Variants in ABLIM1 observed in about 807,000 individuals in gnomAD.
The protein encoded by ABLIM1 is actin binding LIM protein 1.
A neutral mutation model predicts 107.0 loss-of-function variants in ABLIM1; 40 were observed. The observed-to-expected ratio is 0.37, with a 90% confidence interval of 0.29 to 0.49. The LOEUF (loss-of-function observed/expected upper bound fraction) is 0.49, where lower values mean the gene tolerates loss of function less well. ABLIM1 is among the 20% of genes least tolerant of loss of function. The probability of loss-of-function intolerance (pLI) is 0.97; values close to 1 mark genes in which losing one functional copy is unlikely to be tolerated. For missense variants in ABLIM1, 857 were observed against 1,008.5 expected, an observed-to-expected ratio of 0.85 and a Z score of 2.04; for synonymous variants, 357 against 357.3, an observed-to-expected ratio of 1.00 and a Z score of 0.01.
In ABLIM1 at chr10:114,716,410, A is replaced by AAAACACACACACAC. The variant is rs541504016; in HGVS notation, c.-213+51650_-213+51651insGTGTGTGTGTGTTT. ...TAGTGTTCTCAAATTGGTAGAGAGA[A>AAAACACACACACAC]ACACACACACACACACACACACACA... On this transcript the variant is annotated intron_variant, in intron 1 of 15. Transcript: ENST00000651092. 1.4e-3 allele frequency among the ~76,000 whole-genome samples: 206 copies of AAAACACACACACAC among 143,620 alleles called. 1 individual carries two copies. Among genetic ancestry groups the AAAACACACACACAC allele is most frequent in the African/African-American group, 4.7e-3 (182 of 38,422 alleles). 94.2% of individuals were successfully genotyped at this position (143,620 alleles called of 152,430 possible). A position where few individuals can be genotyped will look rare whatever the true frequency, so the allele number is the denominator to read the frequency against.
intron 1 of ABLIM1, among the ~76,000 whole-genome samples, chr10:114,666,862 C>T (rs1053499763): frequency 4.6e-5 from 7 of 152,254 alleles, no homozygotes; most frequent in African/African-American, 1.7e-4. Flanking sequence ...TAAATTATAT[C>T]TTAACTTTAT....
chr10:114,486,109 T>C (rs2058153865), intron 8 of ABLIM1, among the ~76,000 whole-genome samples: 1 of 152,218 alleles, frequency 6.6e-6, no homozygotes, highest in East Asian at 1.9e-4. Flanking sequence ...CAATAGCTCC[T>C]CTTGGCCAGA....
At chr10:114,625,897 C>T (rs1308438576) in intron 1 of ABLIM1, among the ~76,000 whole-genome samples, 2 of 152,028 alleles carry the variant, frequency 1.3e-5, no homozygotes, top group Non-Finnish European at 2.9e-5. Flanking sequence ...TTGATGGGTT[C>T]GAAGATTAAA....
chr10:114,599,324 C>T (rs563968932), intron 2 of ABLIM1, among the ~76,000 whole-genome samples: 43 of 152,284 alleles, frequency 2.8e-4, no homozygotes, highest in African/African-American at 1.0e-3. Context: ...GAGGAATTTA[C>T]ATTTGGTCCA....
intron 1 of ABLIM1, among the ~76,000 whole-genome samples, chr10:114,717,519 C>T (rs2081698599): frequency 1.3e-5 from 2 of 152,132 alleles, no homozygotes; most frequent in Non-Finnish European, 2.9e-5. Flanking sequence ...GCCAGTAGCA[C>T]CCCTCTCCCA....
At chr10:114,715,890 A>T (rs1051900129) in intron 1 of ABLIM1, among the ~76,000 whole-genome samples, 1 of 152,226 alleles carries the variant, frequency 6.6e-6, no homozygotes, top group Non-Finnish European at 1.5e-5. Flanking sequence ...CTAGAAGTAT[A>T]CACAGAAATA....
At chr10:114,686,156 A>C (rs1023609888), upstream of ABLIM1, among the ~76,000 whole-genome samples, 3 of 152,174 alleles carry the variant, frequency 2.0e-5, no homozygotes, top group African/African-American at 2.4e-5. Flanking sequence ...TTTCCTAATC[A>C]TAGTCCTCCA....
At chr10:114,692,700 G>A (rs2141730713) in intron 1 of ABLIM1, among the ~76,000 whole-genome samples, 1 of 152,286 alleles carries the variant, frequency 6.6e-6, no homozygotes, top group African/African-American at 2.4e-5. Context: ...GACCAGCCTG[G>A]CCAATATGGT....
At chr10:114,723,507 A>T (rs1186953439) in intron 1 of ABLIM1, among the ~76,000 whole-genome samples, 1 of 152,226 alleles carries the variant, frequency 6.6e-6, no homozygotes, top group Admixed American at 6.5e-5. Context: ...GCCAGCATAA[A>T]AGGGCTGAGG....
At chr10:114,745,840 TA>T (rs371449246) in intron 1 of ABLIM1, among the ~76,000 whole-genome samples, 4,821 of 150,282 alleles carry the variant, frequency 0.032, 97 homozygotes, top group Middle Eastern at 0.093. Flanking sequence ...AGACTGTGTC[TA>T]AAAAAAAAAT....
chr10:114,674,708 C>CTT (rs74409388), intron 1 of ABLIM1, among the ~76,000 whole-genome samples: 9 of 133,804 alleles, frequency 6.7e-5, no homozygotes, highest in East Asian at 4.4e-4. Flanking sequence ...AATTGTTATT[C>CTT]TTTTTTTTTT....
At chr10:114,634,675 A>AT (rs928409508) in intron 1 of ABLIM1, among the ~76,000 whole-genome samples, 6 of 151,840 alleles carry the variant, frequency 4.0e-5, no homozygotes, top group South Asian at 4.2e-4. Context: ...GTTCAGAGAG[A>AT]TTTTCCCCCC....
chr10:114,485,798 T>C (rs1001970807), intron 8 of ABLIM1, among the ~76,000 whole-genome samples: 1 of 152,228 alleles, frequency 6.6e-6, no homozygotes, highest in Admixed American at 6.5e-5. Context: ...TTCATTTTGC[T>C]ATGGAAACTG....
chr10:114,675,053 A>T (rs1425997291), intron 1 of ABLIM1, among the ~76,000 whole-genome samples: 1 of 152,000 alleles, frequency 6.6e-6, no homozygotes, highest in Non-Finnish European at 1.5e-5. Context: ...AATGCTCCCT[A>T]TGTCCTGAGA....
intron 1 of ABLIM1, among the ~76,000 whole-genome samples, chr10:114,764,000 CTATCTT>C (rs529721479): frequency 1.5e-4 from 23 of 152,260 alleles, no homozygotes; most frequent in African/African-American, 5.1e-4. Flanking sequence ...TTTTGGGACT[CTATCTT>C]TAGTGTTTAG....
intron 1 of ABLIM1, among the ~76,000 whole-genome samples, chr10:114,612,312 G>C (rs919688739): frequency 6.6e-6 from 1 of 152,166 alleles, no homozygotes; most frequent in African/African-American, 2.4e-5. Context: ...TCACACCCTA[G>C]TTTGCTCTTC....
the ABLIM1 span, among the ~76,000 whole-genome samples, chr10:114,793,470 G>C: frequency 5.3e-5 from 8 of 152,234 alleles, no homozygotes; most frequent in East Asian, 1.2e-3. Flanking sequence ...GCAGAACCAT[G>C]AGCCAATTAA....
Position 114,598,828 on chromosome 10 carries a change from T to C in ABLIM1, c.379+2999A>G, listed in dbSNP as rs570385520. On this transcript the variant is annotated intron_variant, in intron 2 of 22. Transcript: ENST00000533213. Reference sequence around the variant, plus strand: ...ATCAGAATATTTAGAATTATACAAGTGGCTTGCATTTTTTTTTTAATTTAT... The same window carrying C: ...ATCAGAATATTTAGAATTATACAAGCGGCTTGCATTTTTTTTTTAATTTAT... Among the ~76,000 whole-genome samples the C allele has an allele frequency of 3.3e-5, 5 of 152,312 alleles. No individual in the cohort carries two copies. The South Asian group carries it at 1.0e-3, about 32-fold the overall frequency.
At chr10:114,697,500 C>T (rs942775105) in intron 1 of ABLIM1, among the ~76,000 whole-genome samples, 15 of 152,210 alleles carry the variant, frequency 9.9e-5, no homozygotes, top group Admixed American at 7.9e-4. Flanking sequence ...GCAGTGGCAC[C>T]GTAAATGCCA....
Sources: allele counts gnomAD v4.1 joint callset (sites outside exome capture counted in the v4.1 genomes callset), GRCh38; gene constraint gnomAD v4.1.1; transcripts MANE v1.5; gene names NCBI Gene and HGNC (gene_info 2026-07-23, HGNC 2026-07-21).